OPN5: variants seen among roughly 807,000 people sequenced by gnomAD.
The protein encoded by OPN5 is opsin-5.
Under a neutral mutation model 41.7 loss-of-function variants are expected in OPN5, and 18 were observed. That is an observed-to-expected ratio of 0.43 (90% CI 0.30 to 0.64). OPN5 has a LOEUF of 0.64. OPN5 is among the 30% of genes least tolerant of loss of function. The pLI, the probability that OPN5 is intolerant of heterozygous loss-of-function variation, is 0.13. For synonymous variants in OPN5, 178 were observed against 164.3 expected (o/e 1.08, Z -0.64); for missense variants, 318 against 434.5 (o/e 0.73, Z 2.38).
chr6:47,816,606 T>C (rs1762436199), intron 6 of OPN5, among the ~76,000 whole-genome samples: 1 of 152,142 alleles, frequency 6.6e-6, no homozygotes, highest in Admixed American at 6.5e-5. Context: ...TTCCAAACAA[T>C]ACCTAGAGCA....
At chr6:47,803,568 A>C (rs1043171097) in intron 4 of OPN5, among the ~76,000 whole-genome samples, 6 of 152,108 alleles carry the variant, frequency 3.9e-5, no homozygotes, top group Non-Finnish European at 7.4e-5. Flanking sequence ...TGTTATCCCC[A>C]TTCTAATTGG....
At chr6:47,787,672 T>C (rs1773232770) in intron 2 of OPN5, among the ~76,000 whole-genome samples, 1 of 152,132 alleles carries the variant, frequency 6.6e-6, no homozygotes, top group African/African-American at 2.4e-5. Flanking sequence ...GAGGCTGAGA[T>C]GGGTATAAAG....
At chr6:47,811,760 G>C (rs1403360904) in intron 6 of OPN5, 29 bp downstream of exon 6, 1 of 1,493,362 alleles carries the variant, frequency 6.7e-7, no homozygotes, top group Non-Finnish European at 9.3e-7. Context: ...CATCACTATG[G>C]ACACTCGTAT....
At chr6:47,812,257 CA>C (rs1762268316) in intron 6 of OPN5, among the ~76,000 whole-genome samples, 1 of 152,106 alleles carries the variant, frequency 6.6e-6, no homozygotes, top group Non-Finnish European at 1.5e-5. Flanking sequence ...CTGGGGAAAT[CA>C]GTTTTGCCTT....
At chr6:47,806,577 G>A (rs991912272) in intron 4 of OPN5, among the ~76,000 whole-genome samples, 4 of 151,778 alleles carry the variant, frequency 2.6e-5, no homozygotes, top group Non-Finnish European at 4.4e-5. Flanking sequence ...TTTTTTCTAC[G>A]CCATTTTACT....
chr6:47,808,376 A>T lies in OPN5; in HGVS notation c.979A>T (p.Lys327Ter), dbSNP rs1774058021. 6.2e-7 allele frequency: 1 copy of T among 1,614,014 alleles called. No homozygotes were observed. Among genetic ancestry groups the T allele is most frequent in the Non-Finnish European group, 8.5e-7 (1 of 1,179,958 alleles). Residue 327 changes from lysine to a stop codon, truncating the protein, a stop_gained, in exon 5 of 7, where the codon AAG (lysine) becomes TAG (stop). Transcript: ENST00000371211. LOFTEE classifies it high-confidence loss of function. ...TGGTGGTTTGAAAGCAACCAAGAAG[A>T]AGTCTCTGGAAGGCTTCAGGTAAAA...
chr6:47,795,687 T>G (rs533038459), intron 4 of OPN5, 124 bp downstream of exon 4: 1 of 670,806 alleles, frequency 1.5e-6, no homozygotes, highest in South Asian at 1.9e-5. Flanking sequence ...AATTCTGAAC[T>G]TCGTTGATGA....
chr6:47,796,558 A>G (rs1213183284), intron 4 of OPN5, among the ~76,000 whole-genome samples: 2 of 152,084 alleles, frequency 1.3e-5, no homozygotes, highest in African/African-American at 4.8e-5. Flanking sequence ...CTTCTATTTT[A>G]AAGATAAAAA....
chr6:47,807,328 A>G (rs930454380), intron 4 of OPN5, among the ~76,000 whole-genome samples: 2 of 152,314 alleles, frequency 1.3e-5, no homozygotes, highest in East Asian at 3.9e-4. Flanking sequence ...GGTCTTACAC[A>G]AAGCACTTGC....
At chr6:47,807,609 T>C (rs1774023222) in intron 4 of OPN5, among the ~76,000 whole-genome samples, 1 of 152,178 alleles carries the variant, frequency 6.6e-6, no homozygotes, top group Admixed American at 6.5e-5. Context: ...AATGACTTAT[T>C]TTACATTATG....
At chr6:47,787,084 G>A in intron 2 of OPN5, 1 of 984,942 alleles carries the variant, frequency 1.0e-6, no homozygotes, top group Non-Finnish European at 1.2e-6. Context: ...AGGCAGTTGA[G>A]AGGTGAATGT....
chr6:47,805,577 A>G (rs924346650), intron 4 of OPN5, among the ~76,000 whole-genome samples: 2 of 152,054 alleles, frequency 1.3e-5, no homozygotes, highest in African/African-American at 4.8e-5. Context: ...CCTAGGGCCA[A>G]CACACCCCAT....
chr6:47,798,626 T>G (rs149262936), intron 4 of OPN5, among the ~76,000 whole-genome samples: 2,286 of 151,424 alleles, frequency 0.015, 61 homozygotes, highest in African/African-American at 0.051. Flanking sequence ...TTTATATAAA[T>G]CTATATTAAA....
Position 47,783,067 on chromosome 6 carries a change from A to G in OPN5, c.130+871A>G, listed in dbSNP as rs141979498. On this transcript the variant is annotated intron_variant, in intron 1 of 6. Coordinates refer to ENST00000371211, the Ensembl canonical transcript of OPN5. Reference sequence around the variant, plus strand: ...TTTTAAATTTATAAATTAAATTTTTACTTTGTAAATTTTTACTTTGTTTAA... The same window carrying G: ...TTTTAAATTTATAAATTAAATTTTTGCTTTGTAAATTTTTACTTTGTTTAA... Among the ~76,000 whole-genome samples the G allele has an allele frequency of 2.2e-4, 33 of 152,138 alleles. No homozygotes were observed. The East Asian group carries it at 6.0e-3, about 28-fold the overall frequency.
At chr6:47,808,617 A>G (rs941373327) in intron 5 of OPN5, among the ~76,000 whole-genome samples, 1 of 152,086 alleles carries the variant, frequency 6.6e-6, no homozygotes, top group African/African-American at 2.4e-5. Context: ...TTCTTTTTTG[A>G]TCGTGGAGCA....
At chr6:47,824,131 G>T in exon 7 of OPN5, 1 of 699,362 alleles carries the variant, frequency 1.4e-6, no homozygotes. Flanking sequence ...TAATTCACAA[G>T]GAATATCAAA....
At chr6:47,790,392 A>ACTCT (rs879689653) in intron 2 of OPN5, among the ~76,000 whole-genome samples, 1 of 151,712 alleles carries the variant, frequency 6.6e-6, no homozygotes, top group Admixed American at 6.6e-5. Flanking sequence ...TTCAGGGGAC[A>ACTCT]CTCTCTCTCT....
At chr6:47,814,968 C>T (rs1398856811) in intron 6 of OPN5, among the ~76,000 whole-genome samples, 5 of 152,048 alleles carry the variant, frequency 3.3e-5, no homozygotes, top group Middle Eastern at 3.4e-3. Flanking sequence ...GAGTATTAAA[C>T]CAAGAATATA....
chr6:47,815,866 G>A (rs1205489047), intron 6 of OPN5, among the ~76,000 whole-genome samples: 4 of 152,066 alleles, frequency 2.6e-5, no homozygotes, highest in Admixed American at 2.6e-4. Flanking sequence ...GGGACTGCAT[G>A]GGATATATTC....
Sources: allele counts gnomAD v4.1 joint callset (sites outside exome capture counted in the v4.1 genomes callset), GRCh38; gene constraint gnomAD v4.1.1; transcripts MANE v1.5; gene names NCBI Gene and HGNC (gene_info 2026-07-23, HGNC 2026-07-21).